The following DENND4A variants were observed in gnomAD, a reference collection of about 807,000 sequenced individuals.
The protein encoded by DENND4A is DENN domain containing 4A, also known as C-myc promoter-binding protein.
Under a neutral mutation model 199.3 loss-of-function variants are expected in DENND4A, and 70 were observed. The observed-to-expected ratio is 0.35, with a 90% confidence interval of 0.29 to 0.43. The LOEUF (loss-of-function observed/expected upper bound fraction) is 0.43. DENND4A is among the 20% of genes least tolerant of loss of function. DENND4A has a pLI of 1.00. For synonymous variants in DENND4A, 686 were observed against 766.9 expected, an observed-to-expected ratio of 0.89 and a Z score of 1.74; for missense variants, 1,723 against 2,255.8, an observed-to-expected ratio of 0.76 and a Z score of 4.78.
Position 65,670,084 on chromosome 15 carries a change from T to C in DENND4A, c.4569A>G (p.Thr1523=), listed in dbSNP as rs367630037. 9 of 1,606,966 alleles carry C rather than the reference T, an allele frequency of 5.6e-6. No homozygotes were observed. The African/African-American group carries it at 6.7e-5, about 12-fold the overall frequency. Residue 1523 remains threonine (T), a synonymous_variant, in exon 26 of 33, where the codon ACA becomes ACG. Coordinates refer to ENST00000443035, the MANE Select transcript of DENND4A (RefSeq NM_001320835.1). ...WTADDSNLNT[T]CPFCGNIFLP... is the part of the protein sequence containing the mutation. ...AGAAGATATTGCCACAGAATGGGCATGTAGTATTGAGATTTGAATCATCTG... is the reference window on the plus strand; with the variant it reads ...AGAAGATATTGCCACAGAATGGGCACGTAGTATTGAGATTTGAATCATCTG...
At chr15:65,673,275 C>T (rs1369520845) in intron 24 of DENND4A, among the ~76,000 whole-genome samples, 1 of 151,850 alleles carries the variant, frequency 6.6e-6, no homozygotes, top group Admixed American at 6.5e-5. Context: ...TGAGACCAGC[C>T]TGGGCAAAAT....
rs1201968287 is a variant in DENND4A, at chr15:65,704,355, G to A, written c.2088-1347C>T. ...CGACAGATTCTTAAAAAACAGAAACGTCTTCAGATAAGTAATTTTCTTATT... is the reference window on the plus strand; with the variant it reads ...CGACAGATTCTTAAAAAACAGAAACATCTTCAGATAAGTAATTTTCTTATT... On this transcript the variant is annotated intron_variant, in intron 15 of 32. Coordinates refer to ENST00000443035, the MANE Select transcript of DENND4A (RefSeq NM_001320835.1). 3.3e-5 allele frequency among the ~76,000 whole-genome samples: 5 copies of A among 152,034 alleles called. No homozygotes were observed. In the East Asian group the frequency reaches 9.6e-4, roughly 29 times the overall value.
Position 65,697,251 on chromosome 15 carries a change from C to G in DENND4A, c.2950+16G>C. 1.4e-6 allele frequency: 2 copies of G among 1,450,416 alleles called. No homozygotes were observed. Among genetic ancestry groups the G allele is most frequent in the Non-Finnish European group, 9.5e-7 (1 of 1,051,102 alleles). 89.8% of individuals were successfully genotyped at this position (1,450,416 alleles called of 1,614,324 possible). ...AGTTCTCAATTTTATACAATATCAACTTAAACAATACCTACAGGAACTACA... is the reference window on the plus strand; with the variant it reads ...AGTTCTCAATTTTATACAATATCAAGTTAAACAATACCTACAGGAACTACA... On this transcript the variant is annotated intron_variant, in intron 21 of 32. Coordinates refer to ENST00000443035, the MANE Select transcript of DENND4A (RefSeq NM_001320835.1).
chr15:65,723,599 G>A (rs1034066446), intron 11 of DENND4A, among the ~76,000 whole-genome samples: 9 of 151,952 alleles, frequency 5.9e-5, no homozygotes, highest in African/African-American at 1.9e-4. Context: ...GATACATTCC[G>A]AGACCCCCAG....
Position 65,703,151 on chromosome 15 carries a change from C to T in DENND4A, c.2088-143G>A, listed in dbSNP as rs2074933725. On this transcript the variant is annotated intron_variant, in intron 15 of 32. Transcript: ENST00000443035. ...TCTTTCTTTGTCAGGCTGTGATATA[C>T]ACTCAACAAATATTCATGCTAATGT... The T allele has an allele frequency of 5.7e-6, 4 of 697,272 alleles. No homozygotes were observed. In the South Asian group the frequency reaches 8.2e-5, roughly 14 times the overall value. 43.2% of individuals were successfully genotyped at this position (697,272 alleles called of 1,614,324 possible). A position where few individuals can be genotyped will look rare whatever the true frequency, so the allele number is the denominator to read the frequency against.
chr15:65,703,490 A>G (rs2074943246), intron 15 of DENND4A, among the ~76,000 whole-genome samples: 1 of 152,238 alleles, frequency 6.6e-6, no homozygotes, highest in East Asian at 1.9e-4. Context: ...ATATTAGCAC[A>G]CCAGGCCTTG....
intron 23 of DENND4A, among the ~76,000 whole-genome samples, chr15:65,677,773 C>T (rs1425155024): frequency 1.3e-5 from 2 of 152,002 alleles, no homozygotes; most frequent in Non-Finnish European, 2.9e-5. Flanking sequence ...TTTTCATATC[C>T]CAAACTTCTA....
At chr15:65,717,464 TC>T (rs2075442375) in intron 13 of DENND4A, among the ~76,000 whole-genome samples, 1 of 152,150 alleles carries the variant, frequency 6.6e-6, no homozygotes, top group Non-Finnish European at 1.5e-5. Context: ...GTTCCTCTTA[TC>T]CCCAACACTG....
rs774633216 is a variant in DENND4A at position 65,669,856 on chromosome 15, C to T, written c.4710G>A (p.Arg1570=). 1.2e-6 allele frequency: 2 copies of T among 1,613,740 alleles called. No individual in the cohort carries two copies. Among genetic ancestry groups the T allele is most frequent in the South Asian group, 2.2e-5 (2 of 91,062 alleles). The change falls in exon 27 of 33, where the codon AGG becomes AGA. Residue 1570 remains arginine (R), a synonymous_variant. Transcript: ENST00000443035. ...AGGCTGATGTTGAAATGCAAGACTG[C>T]CTCGTCTGACTTGAAATGGAGGATG... The part of the protein sequence containing the change: ...HFPSSISSQT[R]QSCISTSASG...
At chr15:65,670,850 A>AACTT (rs2076194311) in intron 25 of DENND4A, among the ~76,000 whole-genome samples, 1 of 152,220 alleles carries the variant, frequency 6.6e-6, no homozygotes, top group Non-Finnish European at 1.5e-5. Context: ...TTCATCATCT[A>AACTT]TGTTTTGGCT....
chr15:65,721,349 T>G (rs1292762301), intron 12 of DENND4A, among the ~76,000 whole-genome samples: 1 of 151,822 alleles, frequency 6.6e-6, no homozygotes, highest in Non-Finnish European at 1.5e-5. Context: ...GTAAATACTG[T>G]TTTTATCCAT....
At chr15:65,732,711 A>C (rs184408765) in intron 8 of DENND4A, 41 bp downstream of exon 8, 1 of 1,208,624 alleles carries the variant, frequency 8.3e-7, no homozygotes, top group East Asian at 2.3e-5. Context: ...AGAGCCAATA[A>C]CAACTCATAG....
intron 14 of DENND4A, among the ~76,000 whole-genome samples, chr15:65,709,737 T>C (rs887803677): frequency 1.4e-5 from 2 of 138,450 alleles, no homozygotes; most frequent in African/African-American, 2.6e-5. Context: ...TATATATATA[T>C]ATATAATCTC....
In DENND4A at chr15:65,660,322, T is replaced by C. The variant is rs967233077; in HGVS notation, c.*1529A>G. ...GTTTCAGCATGGTGCTATTCACTAA[T>C]GGTGTGAACTCAAAAGGTGGGTTTT... On this transcript the variant is annotated 3_prime_UTR_variant, in exon 33 of 33. Transcript: ENST00000443035. 4 of 1,534,218 alleles carry C rather than the reference T, an allele frequency of 2.6e-6. No homozygotes were observed. Among genetic ancestry groups the C allele is most frequent in the African/African-American group, 1.4e-5 (1 of 73,140 alleles).
chr15:65,739,526 G>A (rs1187637245), intron 5 of DENND4A, among the ~76,000 whole-genome samples: 1 of 152,154 alleles, frequency 6.6e-6, no homozygotes, highest in East Asian at 1.9e-4. Flanking sequence ...GAAGAACCTT[G>A]TACCTCATTT....
At chr15:65,781,293 T>A (rs953788409) in intron 1 of DENND4A, among the ~76,000 whole-genome samples, 1 of 152,188 alleles carries the variant, frequency 6.6e-6, no homozygotes, top group Non-Finnish European at 1.5e-5. Flanking sequence ...TTTAATGACA[T>A]ACTAAAACCT....
rs533341036 is a variant in DENND4A at position 65,728,153 on chromosome 15, C to T, written c.1487+919G>A. Reference sequence around the variant, plus strand: ...TCTCTGGAGTAGCTGGGATTACCTGCCACCACGTCCAGCTAATTTTTGAAT... The same window carrying T: ...TCTCTGGAGTAGCTGGGATTACCTGTCACCACGTCCAGCTAATTTTTGAAT... On this transcript the variant is annotated intron_variant, in intron 11 of 32. Coordinates refer to ENST00000443035, the MANE Select transcript of DENND4A (RefSeq NM_001320835.1). Among the ~76,000 whole-genome samples the T allele has an allele frequency of 5.3e-5, 8 of 152,066 alleles. No individual in the cohort carries two copies. The East Asian group carries it at 1.2e-3, about 22-fold the overall frequency.
intron 4 of DENND4A, among the ~76,000 whole-genome samples, chr15:65,748,559 C>A (rs1322651116): frequency 2.1e-5 from 3 of 146,016 alleles, no homozygotes; most frequent in Admixed American, 6.9e-5. Context: ...TTTGAGGCTA[C>A]AAAGAGCTAT....
intron 14 of DENND4A, among the ~76,000 whole-genome samples, chr15:65,712,861 C>T (rs1382451551): frequency 4.6e-5 from 7 of 151,928 alleles, no homozygotes; most frequent in Non-Finnish European, 1.0e-4. Context: ...TTTCTATTAT[C>T]ATGGCCATAA....
Sources: allele counts gnomAD v4.1 joint callset (sites outside exome capture counted in the v4.1 genomes callset), GRCh38; gene constraint gnomAD v4.1.1; transcripts MANE v1.5; gene names NCBI Gene and HGNC (gene_info 2026-07-23, HGNC 2026-07-21).